Variants in PTPRJ observed in about 807,000 individuals in gnomAD.
The protein encoded by PTPRJ is protein tyrosine phosphatase receptor type J.
Under a neutral mutation model 141.3 loss-of-function variants are expected in PTPRJ, and 129 were observed. The observed-to-expected ratio is 0.91, with a 90% CI of 0.79 to 1.06. The LOEUF (loss-of-function observed/expected upper bound fraction) is 1.06. Among genes scored for constraint, PTPRJ ranks in the 50% least tolerant of loss-of-function variants. The pLI is 0.00. For missense variants in PTPRJ, 1,601 were observed against 1,679.7 expected (o/e 0.95, Z 0.82); for synonymous variants, 610 against 640.5 (o/e 0.95, Z 0.72).
At position 48,167,201 on chromosome 11, in the gene PTPRJ, C is replaced by T; in HGVS notation, c.3856-3C>T. Reference sequence around the variant, plus strand: ...CTGTCTCTCTCTTTCGTTTTTCTATCAGGACCAGTATGTTTTCCTCAATCA... The same window carrying T: ...CTGTCTCTCTCTTTCGTTTTTCTATTAGGACCAGTATGTTTTCCTCAATCA... On this transcript the variant is annotated splice_polypyrimidine_tract_variant and splice_region_variant and intron_variant, in intron 24 of 24. Transcript: ENST00000418331. The T allele has an allele frequency of 1.2e-6, 2 of 1,605,896 alleles. No homozygotes were observed. Among genetic ancestry groups the T allele is most frequent in the Non-Finnish European group, 1.7e-6 (2 of 1,175,700 alleles).
chr11:48,158,517 G>A lies in PTPRJ; in HGVS notation c.3439-1413G>A, dbSNP rs552882621. Among the ~76,000 whole-genome samples the A allele has an allele frequency of 7.0e-4, 107 of 152,302 alleles. No individual in the cohort carries two copies. The highest frequency in any genetic ancestry group is 2.3e-3 in the African/African-American group (96 of 41,564). On this transcript the variant is annotated intron_variant, in intron 21 of 24. Coordinates refer to ENST00000418331, the MANE Select transcript of PTPRJ (RefSeq NM_002843.4). This position sits in a 1 kb window ranked among gnomAD's most constrained non-coding sequence, Gnocchi z 4.4. ...CAAGGTAGGAACAAAAATATACCTG[G>A]TAAGAGGCTGAGCTGGGAATCAACT... is the stretch of plus-strand genomic sequence containing the variant.
At chr11:48,074,975 C>T (rs1235852702) in intron 1 of PTPRJ, among the ~76,000 whole-genome samples, 1 of 152,010 alleles carries the variant, frequency 6.6e-6, no homozygotes, top group East Asian at 1.9e-4. Context: ...GGCTGTCAGT[C>T]GTTTGGCCAG....
At position 48,137,331 on chromosome 11, in the gene PTPRJ, C is replaced by A. The variant is rs754820756; in HGVS notation, c.2152+50C>A. On this transcript the variant is annotated intron_variant, in intron 10 of 24. Coordinates refer to ENST00000418331, the MANE Select transcript of PTPRJ (RefSeq NM_002843.4). ...TGGACTCCTCCCTGAGTGGTGCTGA[C>A]CTTGCAGGTCAGTCCTCCCAAGTCT... The A allele has an allele frequency of 1.1e-5, 17 of 1,567,592 alleles. No individual in the cohort carries two copies. In the African/African-American group the frequency reaches 2.0e-4, roughly 19 times the overall value.
chr11:48,149,388 G>A, intron 15 of PTPRJ, 59 bp from the exon 16 acceptor site: 1 of 1,170,190 alleles, frequency 8.5e-7, no homozygotes, highest in East Asian at 2.5e-5. Context: ...AGATACACAA[G>A]GGAAAAGCAC....
At chr11:47,999,863 C>CTT (rs1209647054) in intron 1 of PTPRJ, among the ~76,000 whole-genome samples, 1 of 136,282 alleles carries the variant, frequency 7.3e-6, no homozygotes, top group African/African-American at 3.0e-5. Flanking sequence ...CGAGATTCTT[C>CTT]TTTTTTTTTT....
chr11:47,985,314 A>AT lies in PTPRJ; in HGVS notation c.96+4317dup, dbSNP rs933015952. ...AGGCGTGTGCTACCATTCCTGGCTAATTTTTTTTTTTAATAGAGATGGTGT... is the reference window on the plus strand; with the variant it reads ...AGGCGTGTGCTACCATTCCTGGCTAATTTTTTTTTTTTAATAGAGATGGTGT... On this transcript the variant is annotated intron_variant, in intron 1 of 24. Coordinates refer to ENST00000418331, the MANE Select transcript of PTPRJ (RefSeq NM_002843.4). 3.9e-3 allele frequency among the ~76,000 whole-genome samples: 576 copies of AT among 146,884 alleles called. 10 individuals are homozygous for AT. The highest frequency in any genetic ancestry group is 0.024 in the Admixed American group (356 of 14,698).
At chr11:48,004,809 T>C (rs1854581969) in intron 1 of PTPRJ, among the ~76,000 whole-genome samples, 1 of 152,192 alleles carries the variant, frequency 6.6e-6, no homozygotes. Flanking sequence ...ATGGAAGGAT[T>C]TTCTTTTCAT....
chr11:48,018,025 T>C (rs1185020151), intron 1 of PTPRJ, among the ~76,000 whole-genome samples: 1 of 152,240 alleles, frequency 6.6e-6, no homozygotes, highest in Admixed American at 6.5e-5. Context: ...CATGTGTGAA[T>C]GGATTCATTT....
intron 19 of PTPRJ, 41 bp from the exon 20 acceptor site, chr11:48,155,760 A>G: frequency 6.7e-7 from 1 of 1,485,322 alleles, no homozygotes; most frequent in Non-Finnish European, 9.2e-7. Context: ...TTACTAAAAC[A>G]TTTGCTTATA....
chr11:48,044,802 G>A (rs1452371619), intron 1 of PTPRJ: 2 of 152,282 alleles, frequency 1.3e-5, no homozygotes, highest in Non-Finnish European at 2.9e-5. Flanking sequence ...CAGAGTTGAA[G>A]CCTTCACGGT....
chr11:48,020,572 G>T (rs879839232), intron 1 of PTPRJ, among the ~76,000 whole-genome samples: 1 of 152,014 alleles, frequency 6.6e-6, no homozygotes, highest in African/African-American at 2.4e-5. Flanking sequence ...AGTGCAGTCC[G>T]GGGGCAGAGT....
Position 48,062,812 on chromosome 11 carries a change from A to G in PTPRJ, c.97-47246A>G, listed in dbSNP as rs144686080. ...TTCCAACAGGTGCATACTTAGGTAG[A>G]GCTATTCTTTATCAGCCTGGGGCTA... On this transcript the variant is annotated intron_variant, in intron 1 of 24. Transcript: ENST00000418331. Among the ~76,000 whole-genome samples, 1,192 of 152,288 alleles carry G rather than the reference A, an allele frequency of 7.8e-3. 13 individuals carry two copies. The highest frequency in any genetic ancestry group is 0.014 in the Middle Eastern group (4 of 294).
chr11:48,113,100 AT>A, intron 3 of PTPRJ, 117 bp downstream of exon 3: 1 of 847,766 alleles, frequency 1.2e-6, no homozygotes, highest in Non-Finnish European at 1.8e-6. Context: ...CTTTTTAAAA[AT>A]TTTTATAAAG....
chr11:48,130,477 A>G lies in PTPRJ; in HGVS notation c.1376A>G (p.Asp459Gly). ...QVHTPPVPVS[D>G]FRVTVVSTTE... Reference sequence around the variant, plus strand: ...TGCATAGCCCCTGTTCCAGTTTCTGACTTCCGAGTGACAGTGGTCAGCACG... The same window carrying G: ...TGCATAGCCCCTGTTCCAGTTTCTGGCTTCCGAGTGACAGTGGTCAGCACG... Residue 459 changes from aspartate to glycine, a missense_variant, in exon 8 of 25, where the codon GAC becomes GGC. Transcript: ENST00000418331. The G allele has an allele frequency of 6.2e-7, 1 of 1,611,806 alleles. No homozygotes were observed. Among genetic ancestry groups the G allele is most frequent in the South Asian group, 1.1e-5 (1 of 90,852 alleles).
At chr11:48,109,771 G>C (rs750640137) in intron 1 of PTPRJ, among the ~76,000 whole-genome samples, 1 of 152,090 alleles carries the variant, frequency 6.6e-6, no homozygotes, top group Non-Finnish European at 1.5e-5. Context: ...GCTCCGGGGA[G>C]AGGGCTGGAG....
chr11:48,162,013 T>C (rs17198985), intron 22 of PTPRJ, among the ~76,000 whole-genome samples: 25,030 of 152,074 alleles, frequency 0.16, 2,339 homozygotes, highest in African/African-American at 0.23. Context: ...GAATTTAGGA[T>C]GGAGTTGTCC....
At chr11:48,027,920 C>A (rs1487467598) in intron 1 of PTPRJ, among the ~76,000 whole-genome samples, 1 of 151,784 alleles carries the variant, frequency 6.6e-6, no homozygotes, top group Non-Finnish European at 1.5e-5. Context: ...GCTCTTAGGT[C>A]CCAAGTTTGC....
intron 1 of PTPRJ, among the ~76,000 whole-genome samples, chr11:48,107,521 G>A (rs1468268461): frequency 6.6e-6 from 1 of 152,162 alleles, no homozygotes; most frequent in Admixed American, 6.5e-5. Context: ...GGGCCGTACT[G>A]CATTCTTCCC....
At chr11:48,120,182 T>C (rs1434027314) in intron 3 of PTPRJ, among the ~76,000 whole-genome samples, 1 of 152,220 alleles carries the variant, frequency 6.6e-6, no homozygotes, top group African/African-American at 2.4e-5. Flanking sequence ...AACTTGAGAC[T>C]GAGAGGTTTG....
Sources: gnomAD v4.1 joint callset for allele counts (sites outside exome capture counted in the v4.1 genomes callset) on GRCh38, gnomAD v4.1.1 for gene constraint, Gnocchi (gnomAD v3.1) non-coding constraint, MANE v1.5 for transcripts, NCBI Gene and HGNC (gene_info 2026-07-23, HGNC 2026-07-21) for gene names.